The following GRM5 variants were observed in gnomAD, a reference collection of about 807,000 sequenced individuals.
The protein encoded by GRM5 is glutamate metabotropic receptor 5, also known as metabotropic glutamate receptor 5.
In GRM5, 19 loss-of-function variants were observed where a neutral mutation model predicts 83.1. That is an observed-to-expected ratio of 0.23 (90% CI 0.16 to 0.34). The LOEUF is 0.34. GRM5 is among the 10% of genes least tolerant of loss of function. The probability of loss-of-function intolerance (pLI) is 1.00; values close to 1 mark genes in which losing one functional copy is unlikely to be tolerated. For synonymous variants in GRM5, 675 were observed against 633.6 expected (o/e 1.07, Z -0.98); for missense variants, 1,160 against 1,588.3 (o/e 0.73, Z 4.58).
At chr11:88,984,831 A>C in intron 2 of GRM5, 1 of 739,134 alleles carries the variant, frequency 1.4e-6, no homozygotes, top group East Asian at 2.5e-5. Context: ...TCATATACTA[A>C]AGAATCATTC....
chr11:88,726,928 C>T (rs1941696643), intron 3 of GRM5, among the ~76,000 whole-genome samples: 1 of 152,110 alleles, frequency 6.6e-6, no homozygotes, highest in Non-Finnish European at 1.5e-5. Context: ...CCGGCCACTG[C>T]AAAAACATGC....
At chr11:88,852,522 G>A (rs1460322093) in intron 2 of GRM5, among the ~76,000 whole-genome samples, 1 of 151,958 alleles carries the variant, frequency 6.6e-6, no homozygotes, top group East Asian at 1.9e-4. Flanking sequence ...CACTATTACT[G>A]TACACTAGAC....
chr11:88,783,155 G>T (rs1319124315), intron 3 of GRM5, among the ~76,000 whole-genome samples: 1 of 152,090 alleles, frequency 6.6e-6, no homozygotes, highest in African/African-American at 2.4e-5. Flanking sequence ...AAAAGGGAGA[G>T]AAAACATTTT....
chr11:88,955,454 A>G (rs1409776208), intron 2 of GRM5, among the ~76,000 whole-genome samples: 1 of 152,222 alleles, frequency 6.6e-6, no homozygotes, highest in Non-Finnish European at 1.5e-5. Flanking sequence ...CTCTTGATGA[A>G]GGCACAGATA....
chr11:88,867,190 CTCTT>C (rs1035909584), intron 2 of GRM5, among the ~76,000 whole-genome samples: 1 of 151,912 alleles, frequency 6.6e-6, no homozygotes, highest in African/African-American at 2.4e-5. Flanking sequence ...GCCCTACAGG[CTCTT>C]TTTTGGTTCC....
At chr11:88,919,091 A>G (rs1198381881) in intron 2 of GRM5, among the ~76,000 whole-genome samples, 22 of 150,022 alleles carry the variant, frequency 1.5e-4, no homozygotes, top group Non-Finnish European at 3.0e-5. Context: ...CCAATAAAAA[A>G]AATAGAGTGG....
At chr11:88,687,569 A>ATATTATATATATATTATATATATAT (rs1342166556) in intron 3 of GRM5, among the ~76,000 whole-genome samples, 1 of 26,252 alleles carries the variant, frequency 3.8e-5, no homozygotes, top group Non-Finnish European at 5.8e-5. Flanking sequence ...TATTATATAT[A>ATATTATATATATATTATATATATAT]TATATATATA....
At chr11:88,812,019 T>G (rs1045946413) in intron 3 of GRM5, among the ~76,000 whole-genome samples, 1 of 152,176 alleles carries the variant, frequency 6.6e-6, no homozygotes, top group African/African-American at 2.4e-5. Context: ...TTTGGTGATA[T>G]TGTTAATGTT....
intron 2 of GRM5, among the ~76,000 whole-genome samples, chr11:89,043,725 G>A (rs1591072960): frequency 6.6e-6 from 1 of 152,246 alleles, no homozygotes; most frequent in Non-Finnish European, 1.5e-5. Context: ...GCTGGGTAAT[G>A]TTGAGGGTTT....
chr11:88,634,801 C>T (rs1939073596), intron 4 of GRM5, among the ~76,000 whole-genome samples: 1 of 152,042 alleles, frequency 6.6e-6, no homozygotes, highest in Non-Finnish European at 1.5e-5. Flanking sequence ...ATTGTATGTG[C>T]CATACTTTCA....
chr11:88,528,558 T>C (rs373369872), intron 8 of GRM5, among the ~76,000 whole-genome samples: 76 of 152,162 alleles, frequency 5.0e-4, no homozygotes, highest in African/African-American at 1.7e-3. Flanking sequence ...CTTTTCAGAA[T>C]TTACAGATCA....
chr11:88,996,365 C>G (rs534407946), intron 2 of GRM5, among the ~76,000 whole-genome samples: 1 of 152,124 alleles, frequency 6.6e-6, no homozygotes, highest in Non-Finnish European at 1.5e-5. Context: ...CCATGCAACA[C>G]AAATCAAGTT....
chr11:88,570,956 G>A (rs541417987), intron 7 of GRM5, among the ~76,000 whole-genome samples: 1 of 152,052 alleles, frequency 6.6e-6, no homozygotes, highest in African/African-American at 2.4e-5. Flanking sequence ...TGTTTCTACT[G>A]CTAGGTCATG....
At chr11:88,822,613 G>A (rs1332469527) in intron 3 of GRM5, among the ~76,000 whole-genome samples, 1 of 152,100 alleles carries the variant, frequency 6.6e-6, no homozygotes, top group Non-Finnish European at 1.5e-5. Context: ...GATAAAAGAT[G>A]TGAAAGTGTG....
chr11:88,863,467 T>C (rs376517909), intron 2 of GRM5, among the ~76,000 whole-genome samples: 186 of 152,180 alleles, frequency 1.2e-3, no homozygotes, highest in African/African-American at 4.1e-3. Context: ...TGCAGGGACA[T>C]GGACTAAGCT....
intron 2 of GRM5, among the ~76,000 whole-genome samples, chr11:88,937,921 A>G (rs578206092): frequency 2.0e-5 from 3 of 151,870 alleles, no homozygotes; most frequent in African/African-American, 7.2e-5. Context: ...TAATGATTCA[A>G]TAACTTTAGA....
intron 2 of GRM5, among the ~76,000 whole-genome samples, chr11:88,967,070 T>C (rs1160868264): frequency 6.6e-6 from 1 of 151,844 alleles, no homozygotes; most frequent in Non-Finnish European, 1.5e-5. Context: ...TTGAGACCAA[T>C]CTAAGTGTTT....
At chr11:88,876,132 C>G (rs2135567176) in intron 2 of GRM5, among the ~76,000 whole-genome samples, 1 of 152,264 alleles carries the variant, frequency 6.6e-6, no homozygotes, top group South Asian at 2.1e-4. Flanking sequence ...TACATTGAAA[C>G]TGTATTGTTT....
chr11:89,044,175 C>T (rs2135146019), intron 2 of GRM5, among the ~76,000 whole-genome samples: 1 of 152,296 alleles, frequency 6.6e-6, no homozygotes, highest in Admixed American at 6.5e-5. Context: ...AGAGTTCTTA[C>T]TCCATTAAAA....
Sources: allele counts gnomAD v4.1 joint callset (sites outside exome capture counted in the v4.1 genomes callset), GRCh38; gene constraint gnomAD v4.1.1; transcripts MANE v1.5; gene names NCBI Gene and HGNC (gene_info 2026-07-23, HGNC 2026-07-21).